SLC15A4: variants seen among roughly 807,000 people sequenced by gnomAD.
SLC15A4 encodes hPHT1.
Under a neutral mutation model 46.1 loss-of-function variants are expected in SLC15A4, and 26 were observed. That is an observed-to-expected ratio of 0.56 (90% CI 0.41 to 0.78). The LOEUF (loss-of-function observed/expected upper bound fraction) is 0.78. Among genes scored for constraint, SLC15A4 ranks in the 30% least tolerant of loss-of-function variants. SLC15A4 has a pLI of 0.00. For synonymous variants in SLC15A4, 370 were observed against 333.4 expected (o/e 1.11, Z -1.20); for missense variants, 751 against 755.7 (o/e 0.99, Z 0.07).
In SLC15A4 at chr12:128,799,400, A is replaced by C. The variant is rs746420288; in HGVS notation, c.1432T>G (p.Ser478Ala). 6.2e-7 allele frequency: 1 copy of C among 1,614,140 alleles called. No individual in the cohort carries two copies. The highest frequency in any genetic ancestry group is 1.7e-5 in the Admixed American group (1 of 60,024). The stretch of plus-strand genomic sequence containing the variant: ...CTCTGCATGGACTTGGGGGCAGCTG[A>C]GTATGCAAATTCCAGGCCTGAGGAA... ...ASIAGLEFAY[S>A]AAPKSMQSAI... is the part of the protein sequence containing the mutation. Residue 478 changes from serine to alanine, a missense_variant, in exon 7 of 8, where the codon TCA becomes GCA. Ser to Ala is a moderately conservative substitution (Grantham distance 99). Transcript: ENST00000266771.
intron 7 of SLC15A4, among the ~76,000 whole-genome samples, chr12:128,798,498 C>T (rs539980679): frequency 6.6e-6 from 1 of 152,208 alleles, no homozygotes; most frequent in African/African-American, 2.4e-5. Flanking sequence ...AGTCCCTAAA[C>T]GTTCACCAGA....
Position 128,823,867 on chromosome 12 carries a change from GCCGCCGCGGCCGCCGCCGC to G in SLC15A4, c.58_76del (p.Ala20ArgfsTer17), listed in dbSNP as rs1274735814. ...GCGCCGGCCCGCGAACGCCCCAGCCGCCGCCGCGGCCGCCGCCGCCCGCCGCGCGCCCAGCAGCGGCGCC... is the reference window on the plus strand; with the variant it reads ...GCGCCGGCCCGCGAACGCCCCAGCCGCCGCCGCGCGCCCAGCAGCGGCGCC... On this transcript the variant is annotated frameshift_variant, in exon 1 of 8. Coordinates refer to ENST00000266771, the MANE Select transcript of SLC15A4 (RefSeq NM_145648.4). LOFTEE classifies it high-confidence loss of function. 2 of 976,260 alleles carry G rather than the reference GCCGCCGCGGCCGCCGCCGC, an allele frequency of 2.0e-6. No homozygotes were observed. The highest frequency in any genetic ancestry group is 1.8e-5 in the African/African-American group (1 of 56,268). 60.5% of individuals were successfully genotyped at this position (976,260 alleles called of 1,614,324 possible).
chr12:128,817,112 A>C (rs550487132), intron 1 of SLC15A4, among the ~76,000 whole-genome samples: 1 of 152,368 alleles, frequency 6.6e-6, no homozygotes, highest in East Asian at 1.9e-4. Context: ...CTAAATTTAA[A>C]AGAAAATCAC....
intron 5 of SLC15A4, among the ~76,000 whole-genome samples, chr12:128,803,647 T>C (rs778867709): frequency 2.0e-5 from 3 of 152,104 alleles, no homozygotes; most frequent in Admixed American, 1.3e-4. Context: ...TAAAATACCA[T>C]CTGGCTGCTA....
chr12:128,822,658 TCTC>T (rs951157389), intron 1 of SLC15A4, among the ~76,000 whole-genome samples: 24 of 152,098 alleles, frequency 1.6e-4, no homozygotes, highest in African/African-American at 5.8e-4. Flanking sequence ...TGCAAGCGAT[TCTC>T]CTGCCTCAGC....
intron 7 of SLC15A4, among the ~76,000 whole-genome samples, chr12:128,796,507 T>C (rs1040599958): frequency 6.6e-6 from 1 of 151,116 alleles, no homozygotes; most frequent in Non-Finnish European, 1.5e-5. Flanking sequence ...AGAGTGCTCA[T>C]TCACACCAAT....
At chr12:128,794,476 A>G in intron 7 of SLC15A4, 120 bp from the exon 8 acceptor site, 2 of 1,003,456 alleles carry the variant, frequency 2.0e-6, no homozygotes, top group Non-Finnish European at 2.8e-6. Context: ...AAAGTAACAA[A>G]TGTTGTCTCT....
Position 128,805,093 on chromosome 12 carries a change from T to C in SLC15A4, c.1258+3695A>G, listed in dbSNP as rs533913025. Among the ~76,000 whole-genome samples, 12 of 152,114 alleles carry C rather than the reference T, an allele frequency of 7.9e-5. No homozygotes were observed. The South Asian group carries it at 2.5e-3, about 32-fold the overall frequency. On this transcript the variant is annotated intron_variant, in intron 5 of 7. Coordinates refer to ENST00000266771, the MANE Select transcript of SLC15A4 (RefSeq NM_145648.4). ...CAGGAAGCTAATACAATAATATAAA[T>C]AAAATACATGAGAAGCCAAAGGCAG...
chr12:128,797,877 T>C (rs1439308121), intron 7 of SLC15A4, among the ~76,000 whole-genome samples: 2 of 152,218 alleles, frequency 1.3e-5, no homozygotes, highest in African/African-American at 2.4e-5. Context: ...CCAAGGAGGC[T>C]GCCATGCAGC....
In SLC15A4 at chr12:128,809,955, T is replaced by C. The variant is rs374327625; in HGVS notation, c.999A>G (p.Thr333=). Residue 333 remains threonine (T), a synonymous_variant, in exon 3 of 8, where the codon ACA becomes ACG. Coordinates refer to ENST00000266771, the MANE Select transcript of SLC15A4 (RefSeq NM_145648.4). ...PVFLALIPYW[T]VYFQMQTTYV... is the part of the protein sequence containing the mutation. ...TGTCACCACTCACTTGGAAATACAC[T>C]GTCCAGTAAGGTATCAAAGCCAAGA... 2 of 1,612,940 alleles carry C rather than the reference T, an allele frequency of 1.2e-6. No individual in the cohort carries two copies. Among genetic ancestry groups the C allele is most frequent in the Non-Finnish European group, 1.7e-6 (2 of 1,179,720 alleles).
At position 128,793,917 on chromosome 12, in the gene SLC15A4, G is replaced by C; in HGVS notation, c.*279C>G. 3.5e-6 allele frequency: 1 copy of C among 288,536 alleles called. No individual in the cohort carries two copies. Among genetic ancestry groups the C allele is most frequent in the Non-Finnish European group, 6.4e-6 (1 of 156,856 alleles). 17.9% of individuals were successfully genotyped at this position (288,536 alleles called of 1,614,324 possible). A position where few individuals can be genotyped will look rare whatever the true frequency, so the allele number is the denominator to read the frequency against. ...CATTTGTGAGTTTCTGTAAAAAAGG[G>C]AACCCAGCTAGAGGATTCACAGAGA... On this transcript the variant is annotated 3_prime_UTR_variant, in exon 8 of 8. Transcript: ENST00000266771.
At chr12:128,813,745 T>G (rs998166228) in intron 2 of SLC15A4, 1 of 152,198 alleles carries the variant, frequency 6.6e-6, no homozygotes, top group Non-Finnish European at 1.5e-5. Context: ...CATTTCTACG[T>G]TGATCAAAAC....
chr12:128,812,025 CTG>C (rs762174209), intron 2 of SLC15A4, among the ~76,000 whole-genome samples: 23 of 152,184 alleles, frequency 1.5e-4, no homozygotes, highest in Non-Finnish European at 1.6e-4. Context: ...GCCTGAGTCT[CTG>C]TGAAGGCCGC....
chr12:128,797,882 T>G (rs1221945046), intron 7 of SLC15A4, among the ~76,000 whole-genome samples: 1 of 152,210 alleles, frequency 6.6e-6, no homozygotes, highest in Non-Finnish European at 1.5e-5. Context: ...GAGGCTGCCA[T>G]GCAGCCAGGG....
chr12:128,816,711 A>G (rs1232762064), intron 1 of SLC15A4, among the ~76,000 whole-genome samples: 1 of 152,142 alleles, frequency 6.6e-6, no homozygotes, highest in Non-Finnish European at 1.5e-5. Context: ...GTGCGCCTAC[A>G]GTCCCAGCTA....
At chr12:128,800,797 C>A in intron 6 of SLC15A4, 57 bp downstream of exon 6, 2 of 1,529,852 alleles carry the variant, frequency 1.3e-6, no homozygotes, top group Non-Finnish European at 1.8e-6. Context: ...AGTCAGAATG[C>A]CCGAGCGCTC....
intron 5 of SLC15A4, 59 bp downstream of exon 5, chr12:128,808,729 T>C: frequency 6.4e-7 from 1 of 1,574,332 alleles, no homozygotes; most frequent in Non-Finnish European, 8.7e-7. Context: ...AGCACTATAT[T>C]CTGAATCCAC....
Position 128,814,916 on chromosome 12 carries a change from C to G in SLC15A4, c.701G>C (p.Gly234Ala), listed in dbSNP as rs370092029. 17 of 1,614,016 alleles carry G rather than the reference C, an allele frequency of 1.1e-5. No individual in the cohort carries two copies. The African/African-American group carries it at 1.9e-4, about 18-fold the overall frequency. Reference sequence around the variant, plus strand: ...ACAGAGGAAGACCACAAAAGCAAGGCCGACGCAGACAGTGGGGATCGCATA... The same window carrying G: ...ACAGAGGAAGACCACAAAAGCAAGGGCGACGCAGACAGTGGGGATCGCATA... ...TGYAIPTVCV[G>A]LAFVVFLCGQ... is the part of the protein sequence containing the mutation. The change falls in exon 2 of 8, where the codon GGC (glycine) becomes GCC (alanine). Residue 234 changes from glycine to alanine, a missense_variant. By Grantham distance (60) the Gly-to-Ala change is moderately conservative (BLOSUM62 0). Transcript: ENST00000266771.
intron 2 of SLC15A4, 77 bp downstream of exon 2, chr12:128,814,698 C>T: frequency 2.0e-6 from 3 of 1,493,064 alleles, no homozygotes; most frequent in Admixed American, 1.8e-5. Context: ...AAGCACACAA[C>T]AAACCGAAGC....
Sources: gnomAD v4.1 joint callset for allele counts (sites outside exome capture counted in the v4.1 genomes callset) on GRCh38, gnomAD v4.1.1 for gene constraint, MANE v1.5 for transcripts, NCBI Gene and HGNC (gene_info 2026-07-23, HGNC 2026-07-21) for gene names.